COL4A1: variants seen among roughly 807,000 people sequenced by gnomAD.
COL4A1 encodes the protein collagen alpha-1(IV) chain.
Under a neutral mutation model 216.6 loss-of-function variants are expected in COL4A1, and 40 were observed. The ratio of observed to expected loss-of-function variants is 0.18; its 90% CI spans 0.14 to 0.24. The LOEUF is 0.24. Ranked by LOEUF, COL4A1 falls within the 10% of genes least tolerant of loss-of-function variation. The pLI is 1.00. For missense variants in COL4A1, 1,628 were observed against 2,196.8 expected (o/e 0.74, Z 5.18); for synonymous variants, 839 against 810.7 (o/e 1.03, Z -0.59).
chr13:110,301,710 C>T (rs868019940), intron 1 of COL4A1, among the ~76,000 whole-genome samples: 19 of 152,108 alleles, frequency 1.2e-4, no homozygotes, highest in African/African-American at 3.4e-4. Context: ...CGAGGGAAGA[C>T]GAGAGGACAC....
Position 110,187,054 on chromosome 13 carries a change from C to G in COL4A1, c.1728+84G>C, listed in dbSNP as rs144081890. 783 of 1,505,298 alleles carry G rather than the reference C, an allele frequency of 5.2e-4. 3 individuals carry two copies. The African/African-American group carries it at 9.4e-3, about 18-fold the overall frequency. 93.2% of individuals were successfully genotyped at this position (1,505,298 alleles called of 1,614,324 possible). Reference sequence around the variant, plus strand: ...CATCATCAAGGAGATAGAAATACATCAATATGATTCAAATTACTCATTTCT... The same window carrying G: ...CATCATCAAGGAGATAGAAATACATGAATATGATTCAAATTACTCATTTCT... On this transcript the variant is annotated intron_variant, in intron 25 of 51. Transcript: ENST00000375820.
chr13:110,166,620 T>C (rs1030748896), intron 44 of COL4A1, among the ~76,000 whole-genome samples: 5 of 152,228 alleles, frequency 3.3e-5, no homozygotes, highest in Non-Finnish European at 5.9e-5. Flanking sequence ...TGTGTAAAAC[T>C]TTTAATGAAA....
At chr13:110,195,674 A>T (rs1878854225) in intron 21 of COL4A1, among the ~76,000 whole-genome samples, 1 of 152,220 alleles carries the variant, frequency 6.6e-6, no homozygotes, top group Non-Finnish European at 1.5e-5. Context: ...AACTGCAGTA[A>T]TGTACACACC....
At chr13:110,153,329 C>T (rs971652951) in intron 50 of COL4A1, among the ~76,000 whole-genome samples, 4 of 152,198 alleles carry the variant, frequency 2.6e-5, no homozygotes, top group African/African-American at 7.2e-5. Flanking sequence ...TCAGAGCCAC[C>T]GTCCTGAGAA....
At chr13:110,266,108 TA>T (rs1883022540) in intron 1 of COL4A1, 2 of 152,078 alleles carry the variant, frequency 1.3e-5, no homozygotes, top group Admixed American at 1.3e-4. Context: ...GGGTGCCGCA[TA>T]ACCTAAAGAA....
chr13:110,236,920 G>A (rs1377135015), intron 2 of COL4A1, among the ~76,000 whole-genome samples: 1 of 152,210 alleles, frequency 6.6e-6, no homozygotes, highest in African/African-American at 2.4e-5. Context: ...TGGGGCAGGA[G>A]TGGCTGCTGA....
chr13:110,174,060 C>T (rs1310144567), intron 39 of COL4A1, 62 bp from the exon 40 acceptor site: 1 of 1,561,590 alleles, frequency 6.4e-7, no homozygotes, highest in Non-Finnish European at 8.8e-7. Context: ...AGCTGCCATA[C>T]AAAATGGCCC....
intron 37 of COL4A1, 116 bp from the exon 38 acceptor site, chr13:110,174,865 C>G: frequency 9.5e-7 from 1 of 1,052,830 alleles, no homozygotes; most frequent in Non-Finnish European, 1.5e-6. Context: ...TGCAAAACTC[C>G]ATTTCCAGAT....
chr13:110,206,855 GA>G lies in COL4A1; in HGVS notation c.807+9del, dbSNP rs1319821964. On this transcript the variant is annotated intron_variant, in intron 14 of 51. Transcript: ENST00000375820. ...GACCTAAAAATGATAGGCAGAAACT[GA>G]GTACTGACCTGAAATCCAGGTTCAC... The G allele has an allele frequency of 6.8e-6, 11 of 1,613,942 alleles. No homozygotes were observed. The South Asian group carries it at 1.2e-4, about 18-fold the overall frequency.
chr13:110,261,803 C>T (rs913675391), intron 1 of COL4A1, among the ~76,000 whole-genome samples: 2 of 152,210 alleles, frequency 1.3e-5, no homozygotes, highest in Non-Finnish European at 1.5e-5. Context: ...TCCTCTGCCA[C>T]CCCGGGCCTG....
At chr13:110,289,309 C>T (rs59516573) in intron 1 of COL4A1, among the ~76,000 whole-genome samples, 19,104 of 152,118 alleles carry the variant, frequency 0.13, 1,229 homozygotes, top group South Asian at 0.19. Context: ...GTGCCATCCA[C>T]TGCCGCGACC....
Position 110,176,918 on chromosome 13 carries a change from T to G in COL4A1, c.2836A>C (p.Met946Leu), listed in dbSNP as rs375250353. ...GSMDKVDMGS[M>L]KGQKGDQGEK... is the part of the protein sequence containing the mutation. ...CCTTGGTCTCCTTTCTGGCCCTTCATGCTGCCCATGTCCACCTTATCCATG... is the reference window on the plus strand; with the variant it reads ...CCTTGGTCTCCTTTCTGGCCCTTCAGGCTGCCCATGTCCACCTTATCCATG... Residue 946 changes from methionine (M) to leucine (L), a missense_variant, in exon 34 of 52, where the codon ATG becomes CTG. Physicochemically the swap from Met to Leu is conservative, Grantham distance 15. Coordinates refer to ENST00000375820, the MANE Select transcript of COL4A1 (RefSeq NM_001845.6). 7 of 1,614,242 alleles carry G rather than the reference T, an allele frequency of 4.3e-6. No individual in the cohort carries two copies. The East Asian group carries it at 1.6e-4, about 36-fold the overall frequency.
intron 29 of COL4A1, among the ~76,000 whole-genome samples, chr13:110,181,053 T>C (rs1348377375): frequency 6.6e-6 from 1 of 152,244 alleles, no homozygotes; most frequent in African/African-American, 2.4e-5. Flanking sequence ...AGAAAATGTC[T>C]GTCATAAAAT....
chr13:110,212,310 A>C, intron 6 of COL4A1, 107 bp downstream of exon 6: 1 of 1,369,020 alleles, frequency 7.3e-7, no homozygotes. Context: ...GCAACTTTCC[A>C]ATTGTGGCAA....
chr13:110,167,045 C>T, intron 44 of COL4A1, 113 bp downstream of exon 44: 1 of 864,112 alleles, frequency 1.2e-6, no homozygotes, highest in Non-Finnish European at 2.0e-6. Context: ...AGAACAGTAT[C>T]TCGTGCTATA....
At chr13:110,173,750 A>C in intron 40 of COL4A1, 150 bp downstream of exon 40, 1 of 876,960 alleles carries the variant, frequency 1.1e-6, no homozygotes, top group Non-Finnish European at 1.8e-6. Context: ...ACTCTACTCC[A>C]CACATCCACA....
At chr13:110,180,628 G>A (rs1026689025) in intron 29 of COL4A1, among the ~76,000 whole-genome samples, 1 of 152,242 alleles carries the variant, frequency 6.6e-6, no homozygotes, top group African/African-American at 2.4e-5. Context: ...ATCGGTAGTC[G>A]CTCACATTTG....
intron 1 of COL4A1, among the ~76,000 whole-genome samples, chr13:110,275,959 C>T (rs993631247): frequency 2.6e-5 from 4 of 152,202 alleles, no homozygotes; most frequent in Admixed American, 2.0e-4. Flanking sequence ...GGCAGTAAAA[C>T]AACTCTATGT....
At chr13:110,196,274 T>C (rs931533861) in intron 21 of COL4A1, among the ~76,000 whole-genome samples, 2 of 152,180 alleles carry the variant, frequency 1.3e-5, no homozygotes, top group Non-Finnish European at 2.9e-5. Flanking sequence ...CCACAGCCAC[T>C]GCTAGGGACC....
Sources: allele counts gnomAD v4.1 joint callset (sites outside exome capture counted in the v4.1 genomes callset), GRCh38; gene constraint gnomAD v4.1.1; transcripts MANE v1.5; gene names NCBI Gene and HGNC (gene_info 2026-07-23, HGNC 2026-07-21).